The following ZNF837 variants were observed in gnomAD, a reference collection of about 807,000 sequenced individuals.
ZNF837 encodes the protein zinc finger protein 837.
For synonymous variants in ZNF837, 475 were observed against 365.2 expected, an observed-to-expected ratio of 1.30 and a Z score of -3.43; for missense variants, 955 against 801.7, an observed-to-expected ratio of 1.19 and a Z score of -2.31.
chr19:58,381,022 C>CGCGGCACTGAGGGACCCGGGCCACA lies in ZNF837; in HGVS notation c.-222_-221insTGTGGCCCGGGTCCCTCAGTGCCGC, dbSNP rs1568570280. The CGCGGCACTGAGGGACCCGGGCCACA allele has an allele frequency of 6.6e-6, 1 of 152,276 alleles. No homozygotes were observed. The allele number at this position is 152,276 out of a possible 1,614,324, so 9.4% of individuals were successfully genotyped here. ...CGTCCTCCCGCCACCTCCGGGCCGC[C>CGCGGCACTGAGGGACCCGGGCCACA]GCGGCACTGAGGGACCCGGGCCACA... On this transcript the variant is annotated 5_prime_UTR_variant, in exon 1 of 3. Transcript: ENST00000597582.
At position 58,368,436 on chromosome 19, in the gene ZNF837, G is replaced by T. The variant is rs1244109427; in HGVS notation, c.897C>A (p.Tyr299Ter). The T allele has an allele frequency of 6.4e-7, 1 of 1,560,528 alleles. No homozygotes were observed. Among genetic ancestry groups the T allele is most frequent in the Non-Finnish European group, 8.7e-7 (1 of 1,155,322 alleles). The change falls in exon 3 of 3, where the codon TAC becomes TAA. Residue 299 changes from tyrosine to a stop codon, truncating the protein, a stop_gained. Coordinates refer to ENST00000597582, the MANE Select transcript of ZNF837 (RefSeq NM_138466.2). LOFTEE classifies it low-confidence loss of function (END_TRUNC). ...HQRIHTGERP[Y>*]ECAECGKAFV... Reference sequence around the variant, plus strand: ...AGGCCTTGCCGCACTCGGCGCACTCGTAGGGCCGCTCGCCCGTGTGGATGC... The same window carrying T: ...AGGCCTTGCCGCACTCGGCGCACTCTTAGGGCCGCTCGCCCGTGTGGATGC...
Position 58,367,801 on chromosome 19 carries a change from G to A in ZNF837, c.1532C>T (p.Ala511Val). ...GTTGAGGTTGGAGCGTTGGCTGAAG[G>A]CGCGGCCGCAATCTCCGCACGCGTA... Reference protein sequence around the residue: ...RPYACGDCGRAFSQRSNLNEH... With the variant: ...RPYACGDCGRVFSQRSNLNEH... The change falls in exon 3 of 3, where the codon GCC becomes GTC. Residue 511 changes from alanine to valine, a missense_variant. Transcript: ENST00000597582. 6.5e-7 allele frequency: 1 copy of A among 1,536,376 alleles called. No individual in the cohort carries two copies. Among genetic ancestry groups the A allele is most frequent in the Non-Finnish European group, 8.7e-7 (1 of 1,145,878 alleles).
rs1471434373 is a variant in ZNF837 at position 58,375,272 on chromosome 19, A to G, written c.-139-5344T>C. Among the ~76,000 whole-genome samples, 8 of 21,416 alleles carry G rather than the reference A, an allele frequency of 3.7e-4. No homozygotes were observed. The South Asian group carries it at 5.2e-3, about 14-fold the overall frequency. 14.0% of individuals were successfully genotyped at this position (21,416 alleles called of 152,430 possible). A position where few individuals can be genotyped will look rare whatever the true frequency, so the allele number is the denominator to read the frequency against. On this transcript the variant is annotated intron_variant, in intron 1 of 2. Coordinates refer to ENST00000597582, the MANE Select transcript of ZNF837 (RefSeq NM_138466.2). ...ATCTGTCTCAAAAAAAAAAAAAAGT[A>G]TATATATATATATATATATATATAT...
chr19:58,374,970 A>G (rs1373854437), intron 1 of ZNF837, among the ~76,000 whole-genome samples: 1 of 136,950 alleles, frequency 7.3e-6, no homozygotes, highest in Admixed American at 7.2e-5. Context: ...CACACACACA[A>G]AAACATGGCC....
intron 1 of ZNF837, among the ~76,000 whole-genome samples, chr19:58,374,088 G>T (rs980126626): frequency 6.6e-6 from 1 of 152,216 alleles, no homozygotes; most frequent in African/African-American, 2.4e-5. Flanking sequence ...ACTCCCACCT[G>T]GCTGGTGGGG....
In ZNF837 at chr19:58,368,661, G is replaced by T. The variant is rs1250536467; in HGVS notation, c.672C>A (p.Pro224=). The T allele has an allele frequency of 1.3e-6, 2 of 1,529,652 alleles. No homozygotes were observed. The highest frequency in any genetic ancestry group is 4.0e-5 in the Admixed American group (2 of 50,544). 94.8% of individuals were successfully genotyped at this position (1,529,652 alleles called of 1,614,324 possible). The change falls in exon 3 of 3, where the codon CCC becomes CCA. Residue 224 remains proline, a synonymous_variant. Coordinates refer to ENST00000597582, the MANE Select transcript of ZNF837 (RefSeq NM_138466.2). ...GCTTCCCGCACCGGGCACACGGACG[G>T]GGCTCCTCCGTCGCCTGCAGCCTCT... ...PQERLQATEE[P]RPCARCGKRF...
At chr19:58,369,619 A>C in intron 2 of ZNF837, 200 bp downstream of exon 2, 1 of 307,218 alleles carries the variant, frequency 3.3e-6, no homozygotes, top group African/African-American at 2.2e-5. Flanking sequence ...AGCTCCTAAA[A>C]CACTGTGCCC....
chr19:58,375,418 T>TA (rs2052237041), intron 1 of ZNF837, among the ~76,000 whole-genome samples: 1 of 150,270 alleles, frequency 6.7e-6, no homozygotes, highest in Non-Finnish European at 1.5e-5. Context: ...GTTCATTTGT[T>TA]ACATGATTTA....
Position 58,377,159 on chromosome 19 carries a change from G to A in ZNF837, c.-140+3782C>T, listed in dbSNP as rs2052255428. Among the ~76,000 whole-genome samples, 3 of 151,388 alleles carry A rather than the reference G, an allele frequency of 2.0e-5. No individual in the cohort carries two copies. The South Asian group carries it at 6.2e-4, about 31-fold the overall frequency. Reference sequence around the variant, plus strand: ...TGGAATCCGGGAGGCGGAGGTTGCAGTGAGCCAAGATCGTGCCACTGCACT... The same window carrying A: ...TGGAATCCGGGAGGCGGAGGTTGCAATGAGCCAAGATCGTGCCACTGCACT... On this transcript the variant is annotated intron_variant, in intron 1 of 2. Coordinates refer to ENST00000597582, the MANE Select transcript of ZNF837 (RefSeq NM_138466.2).
chr19:58,380,056 G>A (rs1007336404), intron 1 of ZNF837, among the ~76,000 whole-genome samples: 7 of 152,142 alleles, frequency 4.6e-5, no homozygotes, highest in Non-Finnish European at 1.0e-4. Context: ...AACGTTGGTG[G>A]CTCTGAGGTG....
At position 58,368,546 on chromosome 19, in the gene ZNF837, G is replaced by T; in HGVS notation, c.787C>A (p.Pro263Thr). Residue 263 changes from proline (P) to threonine (T), a missense_variant, in exon 3 of 3, where the codon CCC becomes ACC. Physicochemically the swap from Pro to Thr is conservative, Grantham distance 38. Coordinates refer to ENST00000597582, the MANE Select transcript of ZNF837 (RefSeq NM_138466.2). ...GQTSRPRPIV[P>T]DPPAQRLYAC... ...TACAGTCGCTGGGCCGGGGGGTCGG[G>T]GACAATAGGGCGAGGTCGCGAGGTT... 6.6e-7 allele frequency: 1 copy of T among 1,517,102 alleles called. No individual in the cohort carries two copies. The allele number at this position is 1,517,102 out of a possible 1,614,324, so 94.0% of individuals were successfully genotyped here.
intron 1 of ZNF837, among the ~76,000 whole-genome samples, chr19:58,377,191 T>G (rs1215548588): frequency 7.5e-6 from 1 of 134,188 alleles, no homozygotes; most frequent in Non-Finnish European, 1.5e-5. Flanking sequence ...CACTCCAGCC[T>G]GGGCGACAGA....
chr19:58,379,611 T>A (rs1265565892), intron 1 of ZNF837, among the ~76,000 whole-genome samples: 1 of 152,222 alleles, frequency 6.6e-6, no homozygotes, highest in Non-Finnish European at 1.5e-5. Context: ...CAGGTGAGCA[T>A]GCTTGCACCT....
In ZNF837 at chr19:58,368,166, C is replaced by A; in HGVS notation, c.1167G>T (p.Lys389Asn). The part of the protein sequence containing the change: ...VEHRRVHTGE[K>N]PYACPECGKA... ...TGCCGCACTCGGGGCACGCGTAGGG[C>A]TTCTCGCCGGTGTGCACGCGCCGGT... is the stretch of plus-strand genomic sequence containing the variant. Residue 389 changes from lysine (K) to asparagine (N), a missense_variant, in exon 3 of 3, where the codon AAG becomes AAT. Physicochemically the swap from Lys to Asn is moderately conservative, Grantham distance 94. Transcript: ENST00000597582. 1 of 1,587,828 alleles carries A rather than the reference C, an allele frequency of 6.3e-7. No homozygotes were observed. The highest frequency in any genetic ancestry group is 8.6e-7 in the Non-Finnish European group (1 of 1,168,850).
Position 58,367,918 on chromosome 19 carries a change from T to TGTA in ZNF837, c.1414_1415insTAC (p.Glu472delinsValGln). The TGTA allele has an allele frequency of 2.0e-6, 3 of 1,534,604 alleles. No homozygotes were observed. The highest frequency in any genetic ancestry group is 2.6e-6 in the Non-Finnish European group (3 of 1,144,180). ...GCAGTCGCGGCAGATGTAGGGCTTC[T>TGTA]CGCCCGAGTGCAGGCGCTCGTGCTG... is the stretch of plus-strand genomic sequence containing the variant. On this transcript the variant is annotated protein_altering_variant, in exon 3 of 3. Transcript: ENST00000597582.
rs578051389 is a variant in ZNF837, at chr19:58,376,944, G to A, written c.-140+3997C>T. Among the ~76,000 whole-genome samples, 6 of 151,412 alleles carry A rather than the reference G, an allele frequency of 4.0e-5. No homozygotes were observed. In the South Asian group the frequency reaches 8.3e-4, roughly 21 times the overall value. On this transcript the variant is annotated intron_variant, in intron 1 of 2. Coordinates refer to ENST00000597582, the MANE Select transcript of ZNF837 (RefSeq NM_138466.2). The stretch of plus-strand genomic sequence containing the variant: ...AAAAAAAAAAAAAAAATGGCCGGAC[G>A]TGGTGACTCATGCCTGTAATCCCAA...
intron 1 of ZNF837, among the ~76,000 whole-genome samples, chr19:58,370,450 T>C (rs920548618): frequency 6.6e-6 from 1 of 152,168 alleles, no homozygotes. Context: ...TTCTTTTGCC[T>C]TGTGAAGTAA....
Position 58,368,461 on chromosome 19 carries a change from C to T in ZNF837, c.872G>A (p.Arg291His). The T allele has an allele frequency of 6.4e-7, 1 of 1,569,940 alleles. No individual in the cohort carries two copies. The highest frequency in any genetic ancestry group is 8.6e-7 in the Non-Finnish European group (1 of 1,159,750). The change falls in exon 3 of 3, where the codon CGC becomes CAC. Residue 291 changes from arginine to histidine, a missense_variant. By Grantham distance (29) the Arg-to-His change is conservative (BLOSUM62 0). Transcript: ENST00000597582. ...TRTSSLLQHQRIHTGERPYEC... is the reference protein window; with the variant it reads ...TRTSSLLQHQHIHTGERPYEC... ...GTAGGGCCGCTCGCCCGTGTGGATG[C>T]GCTGGTGCTGCAGCAGGCTGGAGGT...
chr19:58,375,302 ATATATAT>A (rs2052234881), intron 1 of ZNF837, among the ~76,000 whole-genome samples: 1 of 70,722 alleles, frequency 1.4e-5, no homozygotes, highest in African/African-American at 4.1e-5. Flanking sequence ...ATATATATAT[ATATATAT>A]ATAAAATTAC....
Sources: gnomAD v4.1 joint callset for allele counts (sites outside exome capture counted in the v4.1 genomes callset) on GRCh38, gnomAD v4.1.1 for gene constraint, MANE v1.5 for transcripts, NCBI Gene and HGNC (gene_info 2026-07-23, HGNC 2026-07-21) for gene names.